The following EPPIN variants were observed in gnomAD, a reference collection of about 807,000 sequenced individuals.
The protein encoded by EPPIN is epididymal peptidase inhibitor.
A neutral mutation model predicts 18.8 loss-of-function variants in EPPIN; 14 were observed. That is an observed-to-expected ratio of 0.75 (90% CI 0.49 to 1.17). EPPIN has a LOEUF of 1.17. Among genes scored for constraint, EPPIN ranks in the 50% most tolerant of loss-of-function variants. EPPIN has a pLI of 0.00. For missense variants in EPPIN, 143 were observed against 154.2 expected (o/e 0.93, Z 0.39); for synonymous variants, 57 against 54.8 (o/e 1.04, Z -0.18).
rs115479208 is a variant in EPPIN, at chr20:45,543,352, C to T, written c.224-485G>A. ...ACCAACCATGCTGACACCTTGATCT[C>T]GGACTTCTAGCCTGAGGAACTGTGA... On this transcript the variant is annotated intron_variant, in intron 2 of 3. Transcript: ENST00000354280. 704 of 153,008 alleles carry T rather than the reference C, an allele frequency of 4.6e-3. 8 individuals carry two copies. Among genetic ancestry groups the T allele is most frequent in the African/African-American group, 0.016 (685 of 41,574 alleles). 9.5% of individuals were successfully genotyped at this position (153,008 alleles called of 1,614,324 possible). A position where few individuals can be genotyped will look rare whatever the true frequency, so the allele number is the denominator to read the frequency against.
chr20:45,547,180 G>A, intron 1 of EPPIN, 87 bp downstream of exon 1: 1 of 1,571,474 alleles, frequency 6.4e-7, no homozygotes, highest in Non-Finnish European at 8.6e-7. Flanking sequence ...ATGGTGGAAA[G>A]CAACCCACAT....
intron 2 of EPPIN, chr20:45,543,432 A>C (rs1979688729): frequency 6.6e-6 from 1 of 152,206 alleles, no homozygotes; most frequent in Admixed American, 6.5e-5. Flanking sequence ...TGTTATAGCA[A>C]CTCTACCAAA....
intron 1 of EPPIN, among the ~76,000 whole-genome samples, chr20:45,546,639 C>T (rs1979848386): frequency 6.6e-6 from 1 of 152,158 alleles, no homozygotes; most frequent in African/African-American, 2.4e-5. Flanking sequence ...CCCAAGATTA[C>T]AGGGCTACCA....
intron 3 of EPPIN, 36 bp from the exon 4 acceptor site, chr20:45,542,190 T>C (rs768790667): frequency 6.2e-6 from 10 of 1,612,636 alleles, no homozygotes; most frequent in Non-Finnish European, 8.5e-6. Flanking sequence ...GCTGAGCATC[T>C]TGGGTTCAGC....
chr20:45,547,385 G>C lies in EPPIN; in HGVS notation c.-28C>G. ...TGAAGAGAGGCCAGCCTTTCTGGTG[G>C]TTCCCGAATTTGGAATGCTCAGCTG... is the stretch of plus-strand genomic sequence containing the variant. On this transcript the variant is annotated 5_prime_UTR_variant, in exon 1 of 4. Coordinates refer to ENST00000354280, the MANE Select transcript of EPPIN (RefSeq NM_020398.4). 1 of 1,612,502 alleles carries C rather than the reference G, an allele frequency of 6.2e-7. No homozygotes were observed.
chr20:45,541,905 T>G lies in EPPIN; in HGVS notation c.*239A>C, dbSNP rs535764356. 2.7e-4 allele frequency: 141 copies of G among 515,426 alleles called. 4 individuals are homozygous for G. In the South Asian group the frequency reaches 4.0e-3, roughly 15 times the overall value. The allele number at this position is 515,426 out of a possible 1,614,324, so 31.9% of individuals were successfully genotyped here. A position where few individuals can be genotyped will look rare whatever the true frequency, so the allele number is the denominator to read the frequency against. Reference sequence around the variant, plus strand: ...TGACACAGGTATAAACTGGGAGTTCTAGAAGTTGGAGATAAAGGGGACATA... The same window carrying G: ...TGACACAGGTATAAACTGGGAGTTCGAGAAGTTGGAGATAAAGGGGACATA... On this transcript the variant is annotated 3_prime_UTR_variant, in exon 4 of 4. Transcript: ENST00000354280.
rs1401475856 is a variant in EPPIN at position 45,541,242 on chromosome 20, CA to C, written c.*901del. The C allele has an allele frequency of 2.0e-5, 3 of 151,676 alleles. No homozygotes were observed. Among genetic ancestry groups the C allele is most frequent in the Non-Finnish European group, 2.9e-5 (2 of 67,924 alleles). The allele number at this position is 151,676 out of a possible 1,614,324, so 9.4% of individuals were successfully genotyped here. A position where few individuals can be genotyped will look rare whatever the true frequency, so the allele number is the denominator to read the frequency against. On this transcript the variant is annotated 3_prime_UTR_variant, in exon 4 of 4. Coordinates refer to ENST00000354280, the MANE Select transcript of EPPIN (RefSeq NM_020398.4). ...GAGAACACGTGGACTGTTGAGGGGG[CA>C]GGGGGAGGGAAAGCATCAGGATAAA...
At position 45,541,923 on chromosome 20, in the gene EPPIN, G is replaced by A. The variant is rs1262485891; in HGVS notation, c.*221C>T. ...GGAGTTCTAGAAGTTGGAGATAAAG[G>A]GGACATAAAGATGAAATCAAAACGG... On this transcript the variant is annotated 3_prime_UTR_variant, in exon 4 of 4. Coordinates refer to ENST00000354280, the MANE Select transcript of EPPIN (RefSeq NM_020398.4). 3 of 533,202 alleles carry A rather than the reference G, an allele frequency of 5.6e-6. No individual in the cohort carries two copies. Among genetic ancestry groups the A allele is most frequent in the Non-Finnish European group, 9.9e-6 (3 of 303,378 alleles). 33.0% of individuals were successfully genotyped at this position (533,202 alleles called of 1,614,324 possible). A position where few individuals can be genotyped will look rare whatever the true frequency, so the allele number is the denominator to read the frequency against.
chr20:45,542,503 C>T (rs1441654011), intron 3 of EPPIN, 197 bp downstream of exon 3: 3 of 780,108 alleles, frequency 3.8e-6, no homozygotes, highest in Non-Finnish European at 6.0e-6. Flanking sequence ...TACATCCCTT[C>T]TCATCCTCAG....
chr20:45,546,000 A>C, intron 1 of EPPIN: 1 of 562,748 alleles, frequency 1.8e-6, no homozygotes, highest in African/African-American at 1.9e-5. Context: ...CATCCCATCT[A>C]AGGCAGAATT....
At chr20:45,543,603 G>A (rs6032288) in intron 2 of EPPIN, 7,481 of 152,254 alleles carry the variant, frequency 0.049, 415 homozygotes, top group African/African-American at 0.12. Flanking sequence ...CTGTTGAGGT[G>A]ACCTCAGATT....
intron 2 of EPPIN, chr20:45,544,363 T>C (rs1600876951): frequency 2.0e-5 from 3 of 152,198 alleles, no homozygotes; most frequent in East Asian, 1.9e-4. Context: ...TGCAGATCAA[T>C]TGGATCCTCA....
Position 45,541,999 on chromosome 20 carries a change from G to T in EPPIN, c.*145C>A. 1 of 883,902 alleles carries T rather than the reference G, an allele frequency of 1.1e-6. No homozygotes were observed. Among genetic ancestry groups the T allele is most frequent in the South Asian group, 2.1e-5 (1 of 47,568 alleles). 54.8% of individuals were successfully genotyped at this position (883,902 alleles called of 1,614,324 possible). ...AAAGATGGAGGAAGAGGAGGTAGATGCAAGCGTTCTGTTCTGGGAAGGGCT... is the reference window on the plus strand; with the variant it reads ...AAAGATGGAGGAAGAGGAGGTAGATTCAAGCGTTCTGTTCTGGGAAGGGCT... On this transcript the variant is annotated 3_prime_UTR_variant, in exon 4 of 4. Coordinates refer to ENST00000354280, the MANE Select transcript of EPPIN (RefSeq NM_020398.4).
chr20:45,546,065 T>G (rs1048869326), intron 1 of EPPIN: 6 of 476,872 alleles, frequency 1.3e-5, no homozygotes, highest in African/African-American at 1.9e-5. Flanking sequence ...GGGGCTGAAC[T>G]GGGGATTGTA....
At chr20:45,543,110 A>G (rs1442874834) in intron 2 of EPPIN, 5 of 516,210 alleles carry the variant, frequency 9.7e-6, no homozygotes, top group Non-Finnish European at 1.6e-5. Flanking sequence ...GGTCAGACCA[A>G]AATAGGGTGG....
In EPPIN at chr20:45,542,749, A is replaced by G. The variant is rs1167577775; in HGVS notation, c.342T>C (p.Asn114=). The G allele has an allele frequency of 6.2e-7, 1 of 1,613,814 alleles. No individual in the cohort carries two copies. Among genetic ancestry groups the G allele is most frequent in the African/African-American group, 1.3e-5 (1 of 74,884 alleles). The change falls in exon 3 of 4, where the codon AAT becomes AAC. Residue 114 remains asparagine (N), a synonymous_variant. Coordinates refer to ENST00000354280, the MANE Select transcript of EPPIN (RefSeq NM_020398.4). ...MFVYGGCQGN[N]NNFQSKANCL... is the part of the protein sequence containing the mutation. ...AGTTGGCTTTGGATTGGAAGTTGTT[A>G]TTGTTTCCCTGGCAGCCACCATAGA...
chr20:45,545,682 A>G lies in EPPIN; in HGVS notation c.180T>C (p.Cys60=), dbSNP rs759530211. 11 of 1,614,068 alleles carry G rather than the reference A, an allele frequency of 6.8e-6. No individual in the cohort carries two copies. Among genetic ancestry groups the G allele is most frequent in the Non-Finnish European group, 8.5e-6 (10 of 1,179,954 alleles). ...KDRQCQDNKK[C]CVFSCGKKCL... ...ATTTTTTTCCGCAGCTGAAGACACA[A>G]CACTTCTTGTTGTCCTGGCATTGTC... The change falls in exon 2 of 4, where the codon TGT becomes TGC. Residue 60 remains cysteine, a synonymous_variant. Transcript: ENST00000354280.
At chr20:45,545,169 C>T (rs2145553036) in intron 2 of EPPIN, 1 of 159,768 alleles carries the variant, frequency 6.3e-6, no homozygotes, top group Admixed American at 6.1e-5. Context: ...TAAGATGCAG[C>T]AGAAAGGAGA....
At chr20:45,547,026 C>T (rs1376593941) in intron 1 of EPPIN, among the ~76,000 whole-genome samples, 1 of 152,084 alleles carries the variant, frequency 6.6e-6, no homozygotes, top group Non-Finnish European at 1.5e-5. Context: ...CTCTCCTCCA[C>T]CTGCTTGATA....
Sources: gnomAD v4.1 joint callset for allele counts (sites outside exome capture counted in the v4.1 genomes callset) on GRCh38, gnomAD v4.1.1 for gene constraint, MANE v1.5 for transcripts, NCBI Gene and HGNC (gene_info 2026-07-23, HGNC 2026-07-21) for gene names.